Variants in MYADML2 observed in about 807,000 individuals in gnomAD.
MYADML2 encodes the protein myeloid associated differentiation marker like 2.
MYADML2 carries 17 observed loss-of-function variants against 16.0 expected under a neutral mutation model. The ratio of observed to expected loss-of-function variants is 1.06; its 90% CI spans 0.73 to 1.60. The LOEUF is 1.60. MYADML2 is among the 40% of genes most tolerant of loss of function. MYADML2 has a pLI of 0.00. For synonymous variants in MYADML2, 210 were observed against 208.1 expected (o/e 1.01, Z -0.08); for missense variants, 422 against 437.7 (o/e 0.96, Z 0.32).
Position 81,941,096 on chromosome 17 carries a change from C to T in MYADML2, c.646G>A (p.Val216Met). 2 of 1,550,336 alleles carry T rather than the reference C, an allele frequency of 1.3e-6. No homozygotes were observed. The highest frequency in any genetic ancestry group is 1.7e-6 in the Non-Finnish European group (2 of 1,146,982). Reference protein sequence around the residue: ...LATVAVVALSVMGHTGGLGCP... With the variant: ...LATVAVVALSMMGHTGGLGCP... ...CCCAGGCCCCCTGTGTGGCCCATCA[C>T]ACTCAGGGCCACCACGGCCACTGTG... Residue 216 changes from valine to methionine, a missense_variant, in exon 3 of 3, where the codon GTG (valine) becomes ATG (methionine). Val to Met is a conservative substitution (Grantham distance 21). Transcript: ENST00000409745.
intron 1 of MYADML2, among the ~76,000 whole-genome samples, chr17:81,944,771 G>A (rs905794097): frequency 6.6e-6 from 1 of 152,180 alleles, no homozygotes; most frequent in African/African-American, 2.4e-5. Flanking sequence ...TGAAGGCTGA[G>A]CTGATCACCA....
At chr17:81,946,599 G>T (rs1433885310) in intron 1 of MYADML2, among the ~76,000 whole-genome samples, 1 of 152,090 alleles carries the variant, frequency 6.6e-6, no homozygotes, top group Non-Finnish European at 1.5e-5. Context: ...AGTGAGCCGA[G>T]ATCGCGCCAC....
At chr17:81,943,213 G>A (rs909683633) in intron 1 of MYADML2, among the ~76,000 whole-genome samples, 4 of 150,934 alleles carry the variant, frequency 2.7e-5, no homozygotes, top group Non-Finnish European at 5.9e-5. Flanking sequence ...GGGACTACAG[G>A]CACCTGCCAC....
At chr17:81,944,324 G>A (rs2041327875) in intron 1 of MYADML2, among the ~76,000 whole-genome samples, 2 of 151,678 alleles carry the variant, frequency 1.3e-5, no homozygotes, top group African/African-American at 4.8e-5. Context: ...GCTGAGGTGG[G>A]AGAATGGCGT....
rs568191977 is a variant in MYADML2 at position 81,943,131 on chromosome 17, G to A, written c.-180-758C>T. On this transcript the variant is annotated intron_variant, in intron 1 of 2. Transcript: ENST00000409745. ...GTTGCTCAGGCTGGAGTACAGTGGCGTGATCTCTGCTCACTGCAAGCTCCG... is the reference window on the plus strand; with the variant it reads ...GTTGCTCAGGCTGGAGTACAGTGGCATGATCTCTGCTCACTGCAAGCTCCG... Among the ~76,000 whole-genome samples, 151 of 151,192 alleles carry A rather than the reference G, an allele frequency of 1.0e-3. 1 individual carries two copies. The highest frequency in any genetic ancestry group is 3.6e-3 in the African/African-American group (146 of 41,060).
Position 81,939,825 on chromosome 17 carries a change from G to A in MYADML2, c.*993C>T, listed in dbSNP as rs1171589517. 6.6e-6 allele frequency: 1 copy of A among 152,362 alleles called. No individual in the cohort carries two copies. The highest frequency in any genetic ancestry group is 1.5e-5 in the Non-Finnish European group (1 of 68,146). The allele number at this position is 152,362 out of a possible 1,614,324, so 9.4% of individuals were successfully genotyped here. ...AGAAGCTGGCTGGAGCCTGGAGGAT[G>A]ATGGCCCCGGCGTCAGGAGTTTCGG... On this transcript the variant is annotated 3_prime_UTR_variant, in exon 3 of 3. Transcript: ENST00000409745.
At position 81,941,298 on chromosome 17, in the gene MYADML2, C is replaced by T. The variant is rs2041301171; in HGVS notation, c.444G>A (p.Leu148=). Residue 148 remains leucine, a synonymous_variant, in exon 3 of 3, where the codon CTG becomes CTA. Transcript: ENST00000409745. ...LFLAYAVEVA[L]TRARPGQVSS... is the part of the protein sequence containing the mutation. The stretch of plus-strand genomic sequence containing the variant: ...TCACCTGGCCGGGCCGGGCCCGCGT[C>T]AGGGCCACCTCCACAGCGTAGGCCA... The T allele has an allele frequency of 2.6e-6, 4 of 1,549,856 alleles. No homozygotes were observed. The highest frequency in any genetic ancestry group is 2.0e-5 in the Admixed American group (1 of 50,984).
intron 1 of MYADML2, among the ~76,000 whole-genome samples, chr17:81,946,687 A>C (rs1197924562): frequency 6.6e-6 from 1 of 151,962 alleles, no homozygotes; most frequent in Non-Finnish European, 1.5e-5. Flanking sequence ...AACAATAAAT[A>C]AGGCCAGGCG....
intron 1 of MYADML2, among the ~76,000 whole-genome samples, chr17:81,943,045 A>C (rs1054749117): frequency 2.6e-5 from 4 of 152,068 alleles, no homozygotes; most frequent in African/African-American, 9.7e-5. Flanking sequence ...TAAAATATGA[A>C]ATGTTTTTAA....
chr17:81,940,554 A>C lies in MYADML2; in HGVS notation c.*264T>G. On this transcript the variant is annotated 3_prime_UTR_variant, in exon 3 of 3. Coordinates refer to ENST00000409745, the MANE Select transcript of MYADML2 (RefSeq NM_001145113.3). The stretch of plus-strand genomic sequence containing the variant: ...GCACTGAGCCCCAGGAGCGCTGGGA[A>C]ATGGTGAGAGAGAGTGAGTTGGGGA... The C allele has an allele frequency of 4.5e-6, 2 of 444,312 alleles. No homozygotes were observed. Among genetic ancestry groups the C allele is most frequent in the East Asian group, 3.4e-5 (1 of 29,194 alleles). The allele number at this position is 444,312 out of a possible 1,614,324, so 27.5% of individuals were successfully genotyped here.
rs1010980578 is a variant in MYADML2, at chr17:81,942,846, C to T, written c.-180-473G>A. ...GATTATAGGCGTGAGCCACTAGGTC[C>T]GGCCCCTCTTTTTTTTCGAGATAGG... is the stretch of plus-strand genomic sequence containing the variant. On this transcript the variant is annotated intron_variant, in intron 1 of 2. Transcript: ENST00000409745. The surrounding 1 kb of genome is among the most constrained non-coding windows in gnomAD (Gnocchi z 4.4). 2.6e-5 allele frequency among the ~76,000 whole-genome samples: 4 copies of T among 152,134 alleles called. No homozygotes were observed. The highest frequency in any genetic ancestry group is 7.2e-5 in the African/African-American group (3 of 41,514).
Position 81,942,885 on chromosome 17 carries a change from G to A in MYADML2, c.-180-512C>T, listed in dbSNP as rs1474078249. Among the ~76,000 whole-genome samples the A allele has an allele frequency of 6.6e-6, 1 of 151,538 alleles. No homozygotes were observed. ...TTTCGAGATAGGGTCTAGCTTTGTCGCTCAGGTTGGAATGCAGTGGTGAGA... is the reference window on the plus strand; with the variant it reads ...TTTCGAGATAGGGTCTAGCTTTGTCACTCAGGTTGGAATGCAGTGGTGAGA... On this transcript the variant is annotated intron_variant, in intron 1 of 2. Coordinates refer to ENST00000409745, the MANE Select transcript of MYADML2 (RefSeq NM_001145113.3). The surrounding 1 kb of genome is among the most constrained non-coding windows in gnomAD (Gnocchi z 4.4).
At position 81,941,615 on chromosome 17, in the gene MYADML2, G is replaced by A. The variant is rs748352306; in HGVS notation, c.127C>T (p.Arg43Trp). 8 of 1,548,986 alleles carry A rather than the reference G, an allele frequency of 5.2e-6. No individual in the cohort carries two copies. Among genetic ancestry groups the A allele is most frequent in the South Asian group, 3.6e-5 (3 of 84,056 alleles). ...CCCTGGACGCCCGCAAAGCCACCCC[G>A]GTGGGCCACCAGGCTGAAGGTAGTG... ...GCTTFSLVAHRGGFAGVQGTF... is the reference protein window; with the variant it reads ...GCTTFSLVAHWGGFAGVQGTF... The change falls in exon 3 of 3, where the codon CGG (arginine) becomes TGG (tryptophan). Residue 43 changes from arginine (R) to tryptophan (W), a missense_variant. Arg to Trp is a moderately radical substitution (Grantham distance 101). Coordinates refer to ENST00000409745, the MANE Select transcript of MYADML2 (RefSeq NM_001145113.3).
In MYADML2 at chr17:81,940,578, G is replaced by C. The variant is rs2041293600; in HGVS notation, c.*240C>G. Reference sequence around the variant, plus strand: ...AAATGGTGAGAGAGAGTGAGTTGGGGATTGGCCTAGGTGAGGCTCTCCCCT... The same window carrying C: ...AAATGGTGAGAGAGAGTGAGTTGGGCATTGGCCTAGGTGAGGCTCTCCCCT... On this transcript the variant is annotated 3_prime_UTR_variant, in exon 3 of 3. Transcript: ENST00000409745. 4.1e-6 allele frequency: 2 copies of C among 491,974 alleles called. No homozygotes were observed. The highest frequency in any genetic ancestry group is 7.9e-5 in the South Asian group (2 of 25,226). The allele number at this position is 491,974 out of a possible 1,614,324, so 30.5% of individuals were successfully genotyped here.
chr17:81,941,996 A>C (rs1598362669), intron 2 of MYADML2, 153 bp from the exon 3 acceptor site: 6 of 421,254 alleles, frequency 1.4e-5, no homozygotes, highest in South Asian at 1.3e-4. Context: ...GAGACATCTG[A>C]CCCCTGGTCC....
chr17:81,941,597 C>A lies in MYADML2; in HGVS notation c.145G>T (p.Val49Phe). ...LVAHRGGFAG[V>F]QGTFCMAAWG... ...GCGGCCATGCAGAAGGTGCCCTGGACGCCCGCAAAGCCACCCCGGTGGGCC... is the reference window on the plus strand; with the variant it reads ...GCGGCCATGCAGAAGGTGCCCTGGAAGCCCGCAAAGCCACCCCGGTGGGCC... The change falls in exon 3 of 3, where the codon GTC becomes TTC. Residue 49 changes from valine (V) to phenylalanine (F), a missense_variant. Coordinates refer to ENST00000409745, the MANE Select transcript of MYADML2 (RefSeq NM_001145113.3). 6.5e-7 allele frequency: 1 copy of A among 1,548,606 alleles called. No individual in the cohort carries two copies. Among genetic ancestry groups the A allele is most frequent in the Non-Finnish European group, 8.7e-7 (1 of 1,146,828 alleles).
intron 1 of MYADML2, among the ~76,000 whole-genome samples, chr17:81,946,459 C>T (rs559166444): frequency 0.027 from 4,160 of 151,412 alleles, 139 homozygotes; most frequent in African/African-American, 0.073. Context: ...CCATCCTGGC[C>T]AACGTGGTGA....
chr17:81,942,803 G>A lies in MYADML2; in HGVS notation c.-180-430C>T, dbSNP rs541075143. 1.8e-4 allele frequency among the ~76,000 whole-genome samples: 28 copies of A among 152,002 alleles called. No individual in the cohort carries two copies. The South Asian group carries it at 2.3e-3, about 12-fold the overall frequency. ...CTTGACCTCATGATCCGCCTGCCTC[G>A]GCCTCCCAAAGTGCTGGGATTATAG... is the stretch of plus-strand genomic sequence containing the variant. On this transcript the variant is annotated intron_variant, in intron 1 of 2. Transcript: ENST00000409745. This position sits in a 1 kb window ranked among gnomAD's most constrained non-coding sequence, Gnocchi z 4.4.
At position 81,943,365 on chromosome 17, in the gene MYADML2, G is replaced by A. The variant is rs140915368; in HGVS notation, c.-180-992C>T. ...ATTACAGGCATGAGCCACTGTGCCC[G>A]GCCGGAAAAAATGATTTCTTACTAA... On this transcript the variant is annotated intron_variant, in intron 1 of 2. Coordinates refer to ENST00000409745, the MANE Select transcript of MYADML2 (RefSeq NM_001145113.3). 3.2e-3 allele frequency among the ~76,000 whole-genome samples: 462 copies of A among 145,934 alleles called. 9 individuals carry two copies. Among genetic ancestry groups the A allele is most frequent in the Non-Finnish European group, 3.5e-3 (229 of 66,340 alleles).
Sources: allele counts gnomAD v4.1 joint callset (sites outside exome capture counted in the v4.1 genomes callset), GRCh38; gene constraint gnomAD v4.1.1; non-coding constraint Gnocchi (gnomAD v3.1); transcripts MANE v1.5; gene names NCBI Gene and HGNC (gene_info 2026-07-23, HGNC 2026-07-21).